The following SCP2 variants were observed in gnomAD, a reference collection of about 807,000 sequenced individuals.
SCP2 encodes the protein sterol carrier protein 2.
Under a neutral mutation model 71.4 loss-of-function variants are expected in SCP2, and 48 were observed. The observed-to-expected ratio is 0.67, with a 90% CI of 0.53 to 0.86. The LOEUF is 0.86. SCP2 is among the 40% of genes least tolerant of loss of function. The pLI, the probability that SCP2 is intolerant of heterozygous loss-of-function variation, is 0.00. For synonymous variants in SCP2, 220 were observed against 218.1 expected, an observed-to-expected ratio of 1.01 and a Z score of -0.08; for missense variants, 560 against 655.6, an observed-to-expected ratio of 0.85 and a Z score of 1.59.
rs11206079 is a variant in SCP2, at chr1:53,047,751, C to T, written c.1469-107C>T. On this transcript the variant is annotated intron_variant, in intron 14 of 15. Coordinates refer to ENST00000371514, the MANE Select transcript of SCP2 (RefSeq NM_002979.5). ...GTGAGTGCCCATTTCCCCACACTGC[C>T]TCAGTGCTGGTTATAATTCTGTTGC... is the stretch of plus-strand genomic sequence containing the variant. 0.093 allele frequency: 72,560 copies of T among 777,362 alleles called. 8,862 individuals carry two copies. Among genetic ancestry groups the T allele is most frequent in the African/African-American group, 0.49 (28,546 of 58,220 alleles). The allele number at this position is 777,362 out of a possible 1,614,324, so 48.2% of individuals were successfully genotyped here. A position where few individuals can be genotyped will look rare whatever the true frequency, so the allele number is the denominator to read the frequency against.
chr1:52,929,146 G>A (rs953330558), intron 1 of SCP2, among the ~76,000 whole-genome samples: 1 of 151,798 alleles, frequency 6.6e-6, no homozygotes, highest in African/African-American at 2.4e-5. Context: ...TGCACCTTGG[G>A]ACAGAGTTTG....
intron 11 of SCP2, among the ~76,000 whole-genome samples, chr1:52,989,492 A>G (rs1007654053): frequency 1.3e-5 from 2 of 151,962 alleles, no homozygotes; most frequent in Non-Finnish European, 2.9e-5. Flanking sequence ...TTGAAAACCT[A>G]CAGCTTGCAG....
chr1:53,010,781 A>T (rs1660937825), intron 11 of SCP2, among the ~76,000 whole-genome samples: 1 of 152,156 alleles, frequency 6.6e-6, no homozygotes, highest in Non-Finnish European at 1.5e-5. Context: ...GTATAACAAT[A>T]AAAAAAGGTA....
intron 12 of SCP2, among the ~76,000 whole-genome samples, chr1:53,024,567 CTT>C (rs1213742580): frequency 7.1e-6 from 1 of 141,320 alleles, no homozygotes; most frequent in African/African-American, 2.7e-5. Context: ...TTCTTTCTTT[CTT>C]TTTTTTTCTT....
intron 11 of SCP2, among the ~76,000 whole-genome samples, chr1:52,998,995 A>G (rs1260812088): frequency 6.6e-6 from 1 of 152,214 alleles, no homozygotes; most frequent in African/African-American, 2.4e-5. Context: ...GTATCCTTTG[A>G]TAACCCTTTC....
rs67763248 is a variant in SCP2 at position 53,037,950 on chromosome 1, TACACAC to T, written c.1339-933_1339-928del. On this transcript the variant is annotated intron_variant, in intron 13 of 15. Transcript: ENST00000371514. Reference sequence around the variant, plus strand: ...CACACAGATCCAGATCCTGTCTCTATACACACACACACACACACACACACACACACA... The same window carrying T: ...CACACAGATCCAGATCCTGTCTCTATACACACACACACACACACACACACA... Among the ~76,000 whole-genome samples, 980 of 120,326 alleles carry T rather than the reference TACACAC, an allele frequency of 8.1e-3. 15 individuals carry two copies. The highest frequency in any genetic ancestry group is 0.016 in the South Asian group (55 of 3,366). The allele number at this position is 120,326 out of a possible 152,430, so 78.9% of individuals were successfully genotyped here.
chr1:53,037,456 T>C (rs1331897464), intron 13 of SCP2, among the ~76,000 whole-genome samples: 1 of 152,056 alleles, frequency 6.6e-6, no homozygotes, highest in Non-Finnish European at 1.5e-5. Flanking sequence ...CTCTATATCC[T>C]TGGTGCCTGT....
At chr1:53,037,916 A>ACCCCCC (rs1284636903) in intron 13 of SCP2, among the ~76,000 whole-genome samples, 12 of 127,474 alleles carry the variant, frequency 9.4e-5, no homozygotes, top group African/African-American at 3.8e-4. Context: ...ACACACACAC[A>ACCCCCC]CACACACACA....
intron 14 of SCP2, 58 bp downstream of exon 14, chr1:53,039,104 C>G (rs1366757699): frequency 1.2e-6 from 2 of 1,601,116 alleles, no homozygotes. Context: ...AGGCTGTCAG[C>G]TGGGAAAATG....
At chr1:53,011,097 A>G (rs1275469900) in intron 11 of SCP2, among the ~76,000 whole-genome samples, 1 of 152,210 alleles carries the variant, frequency 6.6e-6, no homozygotes, top group Admixed American at 6.5e-5. Context: ...TGCTGAGTCT[A>G]TGAAAACTTT....
intron 5 of SCP2, among the ~76,000 whole-genome samples, chr1:52,960,455 C>A (rs1014997374): frequency 6.7e-6 from 1 of 149,650 alleles, no homozygotes; most frequent in African/African-American, 2.5e-5. Flanking sequence ...ACAGGCATGA[C>A]CCACCATGCC....
chr1:52,998,634 A>T (rs899461256), intron 11 of SCP2, among the ~76,000 whole-genome samples: 6 of 152,162 alleles, frequency 3.9e-5, no homozygotes, highest in Admixed American at 1.3e-4. Flanking sequence ...GTGTCTGTCC[A>T]TACTTTTGCA....
chr1:52,943,801 A>C (rs910095072), intron 2 of SCP2: 5 of 453,370 alleles, frequency 1.1e-5, no homozygotes, highest in Middle Eastern at 5.5e-4. Flanking sequence ...CCACAGTACC[A>C]GGCCTGTAAT....
At chr1:52,952,286 A>G (rs377150131) in intron 4 of SCP2, among the ~76,000 whole-genome samples, 2 of 152,162 alleles carry the variant, frequency 1.3e-5, no homozygotes, top group Admixed American at 6.5e-5. Context: ...TTCATGTTGT[A>G]GCATATATCA....
intron 5 of SCP2, among the ~76,000 whole-genome samples, chr1:52,957,846 A>T (rs1655965919): frequency 1.3e-5 from 2 of 152,074 alleles, no homozygotes; most frequent in Non-Finnish European, 2.9e-5. Flanking sequence ...GCCTGGATTC[A>T]TTATTTTCAT....
chr1:53,050,830 A>G lies in SCP2; in HGVS notation c.*126A>G, dbSNP rs376568756. ...ATAGCGTGGGATAGATTTGTTTCTT[A>G]ATGGGTGTGACCAATCCTGTTTTTC... On this transcript the variant is annotated 3_prime_UTR_variant, in exon 16 of 16. Transcript: ENST00000371514. 1.4e-6 allele frequency: 1 copy of G among 738,888 alleles called. No homozygotes were observed. The highest frequency in any genetic ancestry group is 2.4e-6 in the Non-Finnish European group (1 of 417,986). The allele number at this position is 738,888 out of a possible 1,614,324, so 45.8% of individuals were successfully genotyped here.
At chr1:52,993,622 C>T (rs192166984) in intron 11 of SCP2, 2,125 of 1,612,350 alleles carry the variant, frequency 1.3e-3, no homozygotes, top group Non-Finnish European at 1.7e-3. Flanking sequence ...AAATATCTAG[C>T]CGGGCTGCTC....
intron 11 of SCP2, among the ~76,000 whole-genome samples, chr1:53,011,900 G>A (rs746666870): frequency 6.6e-6 from 1 of 152,042 alleles, no homozygotes; most frequent in Non-Finnish European, 1.5e-5. Context: ...ATCACCGTTA[G>A]GGCTTAGAAA....
intron 11 of SCP2, among the ~76,000 whole-genome samples, chr1:52,991,221 G>C (rs111971671): frequency 0.011 from 1,642 of 152,220 alleles, 19 homozygotes; most frequent in African/African-American, 0.038. Flanking sequence ...AGGCTGTTCT[G>C]TGGATTAAGT....
Sources: gnomAD v4.1 joint callset for allele counts (sites outside exome capture counted in the v4.1 genomes callset) on GRCh38, gnomAD v4.1.1 for gene constraint, MANE v1.5 for transcripts, NCBI Gene and HGNC (gene_info 2026-07-23, HGNC 2026-07-21) for gene names.